Variants in KRT79 observed in about 807,000 individuals in gnomAD.
KRT79 encodes the protein keratin, type II cytoskeletal 79.
Under a neutral mutation model 49.0 loss-of-function variants are expected in KRT79, and 51 were observed. The observed-to-expected ratio is 1.04, with a 90% CI of 0.83 to 1.31. KRT79 has a LOEUF of 1.31. Among genes scored for constraint, KRT79 ranks in the 40% most tolerant of loss-of-function variants. The pLI is 0.00. For synonymous variants in KRT79, 312 were observed against 286.6 expected (o/e 1.09, Z -0.90); for missense variants, 728 against 688.0 (o/e 1.06, Z -0.65).
In KRT79 at chr12:52,827,644, C is replaced by A. The variant is rs1166209421; in HGVS notation, c.855+2379G>T. On this transcript the variant is annotated intron_variant, in intron 4 of 8. Transcript: ENST00000330553. ...GGCAAGCAATCCAGCCAAGGATAAGCCCGGGAAACACCAAAGCCAGGGGTC... is the reference window on the plus strand; with the variant it reads ...GGCAAGCAATCCAGCCAAGGATAAGACCGGGAAACACCAAAGCCAGGGGTC... Among the ~76,000 whole-genome samples, 4 of 152,132 alleles carry A rather than the reference C, an allele frequency of 2.6e-5. 1 individual carries two copies. Among genetic ancestry groups the A allele is most frequent in the South Asian group, 4.1e-4 (2 of 4,824 alleles).
In KRT79 at chr12:52,833,702, A is replaced by G; in HGVS notation, c.477+82T>C. On this transcript the variant is annotated intron_variant, in intron 1 of 8. Transcript: ENST00000330553. ...CACCACCCTAGTACAAGTGGGCTAC[A>G]GCAGCCCTGGCCCAGCCCACCCTCT... 2.7e-6 allele frequency: 3 copies of G among 1,107,526 alleles called. No individual in the cohort carries two copies. The African/African-American group carries it at 4.6e-5, about 17-fold the overall frequency. 68.6% of individuals were successfully genotyped at this position (1,107,526 alleles called of 1,614,324 possible).
intron 4 of KRT79, among the ~76,000 whole-genome samples, chr12:52,827,686 A>G (rs1385825936): frequency 6.6e-6 from 1 of 152,074 alleles, no homozygotes; most frequent in African/African-American, 2.4e-5. Context: ...TGCTAGATGA[A>G]CTCTAGGCAG....
At chr12:52,824,066 C>G in intron 5 of KRT79, 54 bp from the exon 6 acceptor site, 1 of 1,613,460 alleles carries the variant, frequency 6.2e-7, no homozygotes, top group Non-Finnish European at 8.5e-7. Context: ...CCCACCCTCA[C>G]AGCTGGAGGC....
chr12:52,831,468 C>G lies in KRT79; in HGVS notation c.636G>C (p.Glu212Asp), dbSNP rs761452466. ...MRSTLDRLQS[E>D]RGRLDSELRN... The stretch of plus-strand genomic sequence containing the variant: ...TGAGCTCTGAGTCCAGCCTCCCCCG[C>G]TCGCTCTGAAGTCTGTCCAGCGTGC... The change falls in exon 2 of 9, where the codon GAG (glutamate) becomes GAC (aspartate). Residue 212 changes from glutamate (E) to aspartate (D), a missense_variant. By Grantham distance (45) the Glu-to-Asp change is conservative. Transcript: ENST00000330553. The G allele has an allele frequency of 1.9e-6, 3 of 1,614,246 alleles. No homozygotes were observed. The highest frequency in any genetic ancestry group is 1.7e-5 in the Admixed American group (1 of 60,034).
chr12:52,822,979 G>T (rs748820880), intron 7 of KRT79, 37 bp downstream of exon 7: 1 of 1,594,390 alleles, frequency 6.3e-7, no homozygotes, highest in South Asian at 1.1e-5. Context: ...GGGCAGGCCC[G>T]ACCCAGCTTT....
At chr12:52,822,801 CG>C (rs1565689197) in intron 7 of KRT79, among the ~76,000 whole-genome samples, 2 of 152,152 alleles carry the variant, frequency 1.3e-5, no homozygotes, top group African/African-American at 4.8e-5. Flanking sequence ...CCATTCCTAC[CG>C]GGCTGTCAGC....
chr12:52,833,712 G>A (rs1289487094), intron 1 of KRT79, 72 bp downstream of exon 1: 18 of 1,251,436 alleles, frequency 1.4e-5, no homozygotes, highest in Non-Finnish European at 1.9e-5. Flanking sequence ...AGCAGCCCTG[G>A]CCCAGCCCAC....
At chr12:52,825,669 T>A (rs150708338) in intron 4 of KRT79, among the ~76,000 whole-genome samples, 1 of 152,344 alleles carries the variant, frequency 6.6e-6, no homozygotes, top group Non-Finnish European at 1.5e-5. Flanking sequence ...ATTGTTAAAT[T>A]AGATTGTCTT....
intron 4 of KRT79, among the ~76,000 whole-genome samples, chr12:52,827,293 G>A (rs1445580927): frequency 6.6e-6 from 1 of 152,154 alleles, no homozygotes; most frequent in African/African-American, 2.4e-5. Context: ...TGATAACCTG[G>A]CCCCACAAGA....
Position 52,824,064 on chromosome 12 carries a change from C to T in KRT79, c.1021-52G>A, listed in dbSNP as rs369083578. The T allele has an allele frequency of 6.9e-5, 112 of 1,613,472 alleles. No individual in the cohort carries two copies. In the East Asian group the frequency reaches 1.0e-3, roughly 15 times the overall value. The stretch of plus-strand genomic sequence containing the variant: ...CTTTCAAATGGCCCCAGCCCACCCT[C>T]ACAGCTGGAGGCCCCATGCAAGTTG... On this transcript the variant is annotated intron_variant, in intron 5 of 8. Coordinates refer to ENST00000330553, the MANE Select transcript of KRT79 (RefSeq NM_175834.3).
chr12:52,822,650 A>G (rs575412015), intron 7 of KRT79, among the ~76,000 whole-genome samples: 3 of 152,288 alleles, frequency 2.0e-5, no homozygotes, highest in South Asian at 2.1e-4. Context: ...CCCTGCCCCA[A>G]TGGAAACAAG....
In KRT79 at chr12:52,823,063, G is replaced by A. The variant is rs779899577; in HGVS notation, c.1320C>T (p.Asp440=). The change falls in exon 7 of 9, where the codon GAC becomes GAT. Residue 440 remains aspartate, a synonymous_variant. Transcript: ENST00000330553. ...QELMNVKLAL[D]VEIATYRKLL... ...GCTTGCGGTAGGTGGCAATCTCCAC[G>A]TCCAGGGCCAGCTTGACATTCATCA... 1.9e-5 allele frequency: 30 copies of A among 1,614,016 alleles called. No homozygotes were observed. Among genetic ancestry groups the A allele is most frequent in the Admixed American group, 3.3e-5 (2 of 60,004 alleles).
rs1940088823 is a variant in KRT79 at position 52,821,635 on chromosome 12, C to A, written c.*237G>T. 5.3e-6 allele frequency: 3 copies of A among 562,702 alleles called. No homozygotes were observed. The highest frequency in any genetic ancestry group is 6.4e-6 in the Non-Finnish European group (2 of 313,412). 34.9% of individuals were successfully genotyped at this position (562,702 alleles called of 1,614,324 possible). A position where few individuals can be genotyped will look rare whatever the true frequency, so the allele number is the denominator to read the frequency against. ...GGTCAAAAGGTCACCCCCAAGTCACCCAAGCACATCACTCAAGCTGGCAAC... is the reference window on the plus strand; with the variant it reads ...GGTCAAAAGGTCACCCCCAAGTCACACAAGCACATCACTCAAGCTGGCAAC... On this transcript the variant is annotated 3_prime_UTR_variant, in exon 9 of 9. Coordinates refer to ENST00000330553, the MANE Select transcript of KRT79 (RefSeq NM_175834.3).
intron 4 of KRT79, among the ~76,000 whole-genome samples, chr12:52,826,217 GT>G (rs144484590): frequency 0.029 from 4,348 of 152,286 alleles, 84 homozygotes; most frequent in Non-Finnish European, 0.047. Flanking sequence ...AGTGGATGAG[GT>G]GATGCAATGG....
At chr12:52,824,142 G>C (rs1454605335) in intron 5 of KRT79, 56 bp downstream of exon 5, 1 of 1,612,974 alleles carries the variant, frequency 6.2e-7, no homozygotes, top group Non-Finnish European at 8.5e-7. Context: ...AGCCTCTCAC[G>C]ATGGGAGATC....
intron 4 of KRT79, among the ~76,000 whole-genome samples, chr12:52,829,638 C>T (rs1240039118): frequency 4.6e-5 from 7 of 152,202 alleles, no homozygotes; most frequent in Non-Finnish European, 7.3e-5. Context: ...CGGTGGCTCA[C>T]GCCTGTAATC....
Position 52,821,746 on chromosome 12 carries a change from A to G in KRT79, c.*126T>C. ...CTTCCCAAGATGCAAATAGTCTGGT[A>G]TGAAAATACCCTGGGTCTGAGGTCC... On this transcript the variant is annotated 3_prime_UTR_variant, in exon 9 of 9. Transcript: ENST00000330553. 2 of 801,950 alleles carry G rather than the reference A, an allele frequency of 2.5e-6. No individual in the cohort carries two copies. Among genetic ancestry groups the G allele is most frequent in the Non-Finnish European group, 2.0e-6 (1 of 497,174 alleles). 49.7% of individuals were successfully genotyped at this position (801,950 alleles called of 1,614,324 possible).
At position 52,824,057 on chromosome 12, in the gene KRT79, C is replaced by T. The variant is rs775693503; in HGVS notation, c.1021-45G>A. The T allele has an allele frequency of 2.5e-6, 4 of 1,613,764 alleles. No individual in the cohort carries two copies. The South Asian group carries it at 4.4e-5, about 18-fold the overall frequency. ...CAGTGCGCTTTCAAATGGCCCCAGC[C>T]CACCCTCACAGCTGGAGGCCCCATG... On this transcript the variant is annotated intron_variant, in intron 5 of 8. Coordinates refer to ENST00000330553, the MANE Select transcript of KRT79 (RefSeq NM_175834.3).
At chr12:52,826,385 C>T (rs770421247) in intron 4 of KRT79, among the ~76,000 whole-genome samples, 14 of 151,868 alleles carry the variant, frequency 9.2e-5, no homozygotes, top group African/African-American at 1.9e-4. Flanking sequence ...TGGTGACGTG[C>T]GCCTGTAATC....
Sources: gnomAD v4.1 joint callset for allele counts (sites outside exome capture counted in the v4.1 genomes callset) on GRCh38, gnomAD v4.1.1 for gene constraint, MANE v1.5 for transcripts, NCBI Gene and HGNC (gene_info 2026-07-23, HGNC 2026-07-21) for gene names.